MARCHF3: variants seen among roughly 807,000 people sequenced by gnomAD.
The protein encoded by MARCHF3 is E3 ubiquitin-protein ligase MARCHF3.
In MARCHF3, 13 loss-of-function variants were observed where a neutral mutation model predicts 24.2. That is an observed-to-expected ratio of 0.54 (90% CI 0.35 to 0.85). The LOEUF (loss-of-function observed/expected upper bound fraction) is 0.85. MARCHF3 is among the 40% of genes least tolerant of loss of function. The pLI is 0.01. For synonymous variants in MARCHF3, 144 were observed against 137.3 expected, an observed-to-expected ratio of 1.05 and a Z score of -0.34; for missense variants, 276 against 325.0, an observed-to-expected ratio of 0.85 and a Z score of 1.16.
intron 1 of MARCHF3, among the ~76,000 whole-genome samples, chr5:126,979,378 A>G (rs1038902137): frequency 3.3e-5 from 5 of 152,222 alleles, no homozygotes; most frequent in Admixed American, 6.5e-5. Context: ...GGTGTTTGTG[A>G]TTTCATTCCT....
intron 1 of MARCHF3, among the ~76,000 whole-genome samples, chr5:127,025,828 T>C (rs1465249547): frequency 6.6e-6 from 1 of 152,226 alleles, no homozygotes; most frequent in African/African-American, 2.4e-5. Context: ...TTGTGAAACT[T>C]CTGTAGCTCA....
At chr5:126,969,986 C>G (rs931358438) in intron 1 of MARCHF3, among the ~76,000 whole-genome samples, 1 of 152,200 alleles carries the variant, frequency 6.6e-6, no homozygotes. Flanking sequence ...CTGAGAAATT[C>G]AAGAGGCTGT....
intron 3 of MARCHF3, among the ~76,000 whole-genome samples, chr5:126,890,180 T>C (rs1753634155): frequency 2.0e-5 from 3 of 152,296 alleles, no homozygotes; most frequent in East Asian, 3.9e-4. Flanking sequence ...TTTGCTGGTC[T>C]TACTTCCTTT....
chr5:126,921,626 A>ACTAT (rs1238342759), intron 1 of MARCHF3, among the ~76,000 whole-genome samples: 3 of 152,242 alleles, frequency 2.0e-5, no homozygotes, highest in South Asian at 2.1e-4. Flanking sequence ...AATTTCAAGC[A>ACTAT]CTATCTGACT....
intron 3 of MARCHF3, among the ~76,000 whole-genome samples, chr5:126,900,287 A>G (rs1012644737): frequency 1.3e-5 from 2 of 152,102 alleles, no homozygotes; most frequent in Admixed American, 1.3e-4. Context: ...GCCAGGTGCA[A>G]TGGTCTGAAT....
At chr5:126,883,319 C>T (rs533868998) in intron 3 of MARCHF3, among the ~76,000 whole-genome samples, 32 of 152,306 alleles carry the variant, frequency 2.1e-4, no homozygotes, top group African/African-American at 7.7e-4. Context: ...CAACCAAGGG[C>T]ACCCTTCTGG....
chr5:127,029,504 G>A (rs3812060), intron 1 of MARCHF3, among the ~76,000 whole-genome samples: 1 of 152,140 alleles, frequency 6.6e-6, no homozygotes, highest in Non-Finnish European at 1.5e-5. Context: ...TTACCATTAA[G>A]GGGGGAAAAC....
chr5:126,899,407 A>G, intron 3 of MARCHF3: 1 of 589,950 alleles, frequency 1.7e-6, no homozygotes, highest in East Asian at 1.4e-4. Context: ...AATTTGTCTC[A>G]CAAGTGTGTA....
chr5:126,952,607 C>A (rs1012816222), intron 1 of MARCHF3, among the ~76,000 whole-genome samples: 5 of 152,080 alleles, frequency 3.3e-5, no homozygotes, highest in Non-Finnish European at 7.4e-5. Context: ...CCTTTCCCCA[C>A]GTTTTGTTAT....
intron 1 of MARCHF3, among the ~76,000 whole-genome samples, chr5:127,003,084 C>A (rs1057302257): frequency 2.7e-5 from 4 of 150,402 alleles, no homozygotes; most frequent in African/African-American, 9.8e-5. Flanking sequence ...AGGTGCCCAG[C>A]ATTCACAAAA....
intron 1 of MARCHF3, among the ~76,000 whole-genome samples, chr5:126,974,617 G>T (rs908317929): frequency 6.6e-6 from 1 of 152,174 alleles, no homozygotes; most frequent in African/African-American, 2.4e-5. Context: ...TTGATCAAAG[G>T]TAGGGCCTTT....
chr5:126,919,879 C>T (rs560804702), intron 1 of MARCHF3, among the ~76,000 whole-genome samples: 11 of 152,318 alleles, frequency 7.2e-5, no homozygotes, highest in South Asian at 4.1e-4. Flanking sequence ...AGTGGGGAGA[C>T]GGCTGTGGAC....
chr5:126,926,681 A>C (rs916244326), intron 1 of MARCHF3, among the ~76,000 whole-genome samples: 14 of 151,860 alleles, frequency 9.2e-5, no homozygotes, highest in Non-Finnish European at 1.8e-4. Context: ...GAGGAGACTG[A>C]GCTCTGGTTT....
chr5:126,994,399 G>A (rs1378104681), intron 1 of MARCHF3, among the ~76,000 whole-genome samples: 1 of 152,136 alleles, frequency 6.6e-6, no homozygotes, highest in Middle Eastern at 3.2e-3. Context: ...GGGGGTAGGG[G>A]GATGATGGCA....
chr5:126,883,414 T>C (rs989458962), intron 3 of MARCHF3, among the ~76,000 whole-genome samples: 2 of 152,210 alleles, frequency 1.3e-5, no homozygotes, highest in African/African-American at 4.8e-5. Context: ...TATTTTTCTG[T>C]AGAAATCTCA....
intron 1 of MARCHF3, among the ~76,000 whole-genome samples, chr5:126,993,688 A>G (rs1751852111): frequency 6.6e-6 from 1 of 152,202 alleles, no homozygotes; most frequent in African/African-American, 2.4e-5. Flanking sequence ...GCAGGGAAAA[A>G]AAAGTGTTCT....
intron 1 of MARCHF3, among the ~76,000 whole-genome samples, chr5:126,949,500 T>C (rs1379673505): frequency 6.6e-6 from 1 of 152,186 alleles, no homozygotes; most frequent in Non-Finnish European, 1.5e-5. Context: ...TATCTTTGCA[T>C]TCCTGGACCA....
intron 1 of MARCHF3, among the ~76,000 whole-genome samples, chr5:126,957,007 C>T (rs1200907014): frequency 3.9e-5 from 6 of 152,222 alleles, no homozygotes; most frequent in African/African-American, 7.2e-5. Flanking sequence ...CCACCTCAGC[C>T]TCCTGAGTAG....
At chr5:127,001,678 T>A (rs1328346436) in intron 1 of MARCHF3, among the ~76,000 whole-genome samples, 1 of 152,228 alleles carries the variant, frequency 6.6e-6, no homozygotes, top group Non-Finnish European at 1.5e-5. Context: ...CATCATCAGA[T>A]CTTCCCTGAA....
Sources: allele counts gnomAD v4.1 joint callset (sites outside exome capture counted in the v4.1 genomes callset), GRCh38; gene constraint gnomAD v4.1.1; transcripts MANE v1.5; gene names NCBI Gene and HGNC (gene_info 2026-07-23, HGNC 2026-07-21).